The following NID2 variants were observed in gnomAD, a reference collection of about 807,000 sequenced individuals.
NID2 encodes nidogen-2.
NID2 carries 83 observed loss-of-function variants against 145.4 expected under a neutral mutation model. The observed-to-expected ratio is 0.57, with a 90% CI of 0.48 to 0.69. The LOEUF (loss-of-function observed/expected upper bound fraction) is 0.69, where lower values mean the gene tolerates loss of function less well. Ranked by LOEUF, NID2 falls within the 30% of genes least tolerant of loss-of-function variation. The pLI is 0.00. For synonymous variants in NID2, 739 were observed against 701.3 expected (o/e 1.05, Z -0.85); for missense variants, 1,807 against 1,765.7 (o/e 1.02, Z -0.42).
In NID2 at chr14:52,067,981, G is replaced by A; in HGVS notation, c.411C>T (p.Ala137=). 1 of 1,611,150 alleles carries A rather than the reference G, an allele frequency of 6.2e-7. No individual in the cohort carries two copies. Residue 137 remains alanine, a synonymous_variant, in exon 2 of 22, where the codon GCC becomes GCT. Transcript: ENST00000216286. ...GCGGGAAGCCAGCGCGCACATAGCG[G>A]GCGGCCAGGCCCAGCACTGCGGGGG... is the stretch of plus-strand genomic sequence containing the variant. ...DTSPAVLGLA[A]RYVRAGFPRS... is the part of the protein sequence containing the mutation.
intron 2 of NID2, among the ~76,000 whole-genome samples, chr14:52,066,093 G>C (rs528036690): frequency 1.3e-5 from 2 of 152,256 alleles, no homozygotes; most frequent in East Asian, 1.9e-4. Context: ...CTAGCAAATG[G>C]TAATGTCTGC....
chr14:52,057,129 C>A (rs1285480880), intron 3 of NID2, among the ~76,000 whole-genome samples: 1 of 152,106 alleles, frequency 6.6e-6, no homozygotes, highest in Non-Finnish European at 1.5e-5. Context: ...GTAGCCTCAA[C>A]CCCCTGGGCT....
chr14:52,013,235 C>T (rs76844224), intron 16 of NID2, among the ~76,000 whole-genome samples: 3,277 of 152,308 alleles, frequency 0.022, 143 homozygotes, highest in African/African-American at 0.073. Flanking sequence ...CATCACCACC[C>T]TGTCCTGGTC....
Position 52,027,020 on chromosome 14 carries a change from A to T in NID2, c.2674+181T>A, listed in dbSNP as rs539177542. Among the ~76,000 whole-genome samples, 262 of 152,328 alleles carry T rather than the reference A, an allele frequency of 1.7e-3. 1 individual carries two copies. Among genetic ancestry groups the T allele is most frequent in the African/African-American group, 5.8e-3 (242 of 41,560 alleles). Reference sequence around the variant, plus strand: ...ATATATGCTCGCCCATCTAGTCCAGAGGAAATCACCCTTGGCTCCCCTTTC... The same window carrying T: ...ATATATGCTCGCCCATCTAGTCCAGTGGAAATCACCCTTGGCTCCCCTTTC... On this transcript the variant is annotated intron_variant, in intron 12 of 21. Transcript: ENST00000216286.
intron 5 of NID2, among the ~76,000 whole-genome samples, chr14:52,046,274 G>A (rs1279424802): frequency 7.6e-6 from 1 of 132,270 alleles, no homozygotes; most frequent in African/African-American, 2.9e-5. Flanking sequence ...AGTGAGCCGA[G>A]ATCGCACCAC....
chr14:52,011,270 G>A (rs1891008449), intron 17 of NID2, among the ~76,000 whole-genome samples: 1 of 152,160 alleles, frequency 6.6e-6, no homozygotes, highest in South Asian at 2.1e-4. Context: ...ATGACAACCG[G>A]CATCCACAGT....
chr14:52,038,790 T>C lies in NID2; in HGVS notation c.2214A>G (p.Arg738=). ...GATTGGTCACAGCAAATCTAAGCAC[T>C]CTTTCTTCGTCATTATACAAGGCAA... ...RVFALYNDEE[R]VLRFAVTNQI... is the part of the protein sequence containing the mutation. Residue 738 remains arginine (R), a synonymous_variant, in exon 9 of 22, where the codon AGA becomes AGG. Transcript: ENST00000216286. 1 of 1,608,354 alleles carries C rather than the reference T, an allele frequency of 6.2e-7. No homozygotes were observed.
chr14:52,033,858 T>C (rs1164065138), intron 9 of NID2, among the ~76,000 whole-genome samples: 2 of 152,162 alleles, frequency 1.3e-5, no homozygotes, highest in Non-Finnish European at 2.9e-5. Context: ...GAGGCCACTG[T>C]GGAACAGCAG....
intron 5 of NID2, among the ~76,000 whole-genome samples, chr14:52,047,153 A>C (rs562138464): frequency 1.7e-4 from 26 of 152,310 alleles, no homozygotes; most frequent in Admixed American, 1.6e-3. Context: ...TCACATCCTG[A>C]AGCTTACATT....
intron 16 of NID2, among the ~76,000 whole-genome samples, chr14:52,013,190 C>T (rs1233933694): frequency 1.3e-5 from 2 of 152,134 alleles, no homozygotes; most frequent in South Asian, 2.1e-4. Flanking sequence ...TGCAAATAAC[C>T]CACGTCCCAT....
chr14:52,014,552 A>T (rs1891148974), intron 15 of NID2, 96 bp from the exon 16 acceptor site: 1 of 1,281,770 alleles, frequency 7.8e-7, no homozygotes, highest in Non-Finnish European at 1.1e-6. Flanking sequence ...GCCTCCAAAA[A>T]TATCAAAAGT....
At chr14:52,007,737 G>T (rs558433979) in intron 19 of NID2, 73 bp downstream of exon 19, 4 of 1,291,358 alleles carry the variant, frequency 3.1e-6, no homozygotes, top group South Asian at 1.3e-5. Flanking sequence ...ATTTCATTTT[G>T]TAGTAAAATC....
intron 14 of NID2, among the ~76,000 whole-genome samples, chr14:52,017,601 G>T (rs1891258434): frequency 6.6e-6 from 1 of 150,436 alleles, no homozygotes; most frequent in African/African-American, 2.5e-5. Flanking sequence ...ATCGAATTCT[G>T]AACCATTCCC....
At chr14:52,019,935 A>G (rs537765443) in intron 13 of NID2, 124 bp downstream of exon 13, 2 of 1,371,240 alleles carry the variant, frequency 1.5e-6, no homozygotes, top group East Asian at 2.4e-5. Context: ...AAGGAAAAAA[A>G]TCCACAGCTT....
intron 3 of NID2, among the ~76,000 whole-genome samples, chr14:52,055,633 T>C (rs1218068328): frequency 6.6e-6 from 1 of 152,160 alleles, no homozygotes. Flanking sequence ...CAACTACATA[T>C]GATTTCTAAA....
At chr14:52,068,460 C>T (rs545127179) in intron 1 of NID2, among the ~76,000 whole-genome samples, 2 of 152,352 alleles carry the variant, frequency 1.3e-5, no homozygotes, top group African/African-American at 2.4e-5. Context: ...ACCCCAGCTC[C>T]GCAGACGGGC....
At chr14:52,034,332 C>T (rs1891981150) in intron 9 of NID2, among the ~76,000 whole-genome samples, 2 of 152,204 alleles carry the variant, frequency 1.3e-5, no homozygotes, top group South Asian at 4.2e-4. Flanking sequence ...GTTGCTTTTA[C>T]AGATCAGATG....
chr14:52,032,027 C>A (rs1187214372), intron 9 of NID2, among the ~76,000 whole-genome samples: 4 of 152,210 alleles, frequency 2.6e-5, no homozygotes, highest in Non-Finnish European at 5.9e-5. Flanking sequence ...CTCCCAAGTC[C>A]TTCAGGGTGT....
rs202149414 is a variant in NID2, at chr14:52,015,280, G to A, written c.3029-5C>T. On this transcript the variant is annotated splice_polypyrimidine_tract_variant and splice_region_variant and intron_variant, in intron 14 of 21. Transcript: ENST00000216286. ...TCGGGGGCCTCTGGGTGGGCTCTGA[G>A]CAGATGGGGAAGAGGGAAGAAGAAA... The A allele has an allele frequency of 9.4e-6, 15 of 1,602,672 alleles. No individual in the cohort carries two copies. In the Admixed American group the frequency reaches 2.0e-4, roughly 22 times the overall value.
Sources: allele counts gnomAD v4.1 joint callset (sites outside exome capture counted in the v4.1 genomes callset), GRCh38; gene constraint gnomAD v4.1.1; transcripts MANE v1.5; gene names NCBI Gene and HGNC (gene_info 2026-07-23, HGNC 2026-07-21).